PDCD2L: variants seen among roughly 807,000 people sequenced by gnomAD.
PDCD2L encodes uS5 assembly chaperone PDCD2L.
In PDCD2L, 44 loss-of-function variants were observed where a neutral mutation model predicts 40.4. That is an observed-to-expected ratio of 1.09 (90% CI 0.86 to 1.40). PDCD2L has a LOEUF of 1.40. PDCD2L is among the 40% of genes most tolerant of loss of function. The pLI, the probability that PDCD2L is intolerant of heterozygous loss-of-function variation, is 0.00. For missense variants in PDCD2L, 470 were observed against 453.7 expected (o/e 1.04, Z -0.33); for synonymous variants, 194 against 174.6 (o/e 1.11, Z -0.88).
intron 6 of PDCD2L, among the ~76,000 whole-genome samples, chr19:34,422,609 A>G (rs1277975372): frequency 6.6e-6 from 1 of 152,220 alleles, no homozygotes; most frequent in Admixed American, 6.5e-5. Context: ...TTTTCCTAAA[A>G]TAGGAAAATT....
chr19:34,423,954 G>A (rs981007668), intron 6 of PDCD2L, among the ~76,000 whole-genome samples: 1 of 152,112 alleles, frequency 6.6e-6, no homozygotes, highest in Non-Finnish European at 1.5e-5. Flanking sequence ...GGGCTCAGAG[G>A]TATCTTGCTT....
chr19:34,412,864 G>A (rs1164051536), intron 4 of PDCD2L, among the ~76,000 whole-genome samples: 1 of 151,606 alleles, frequency 6.6e-6, no homozygotes, highest in Non-Finnish European at 1.5e-5. Flanking sequence ...CTTGCCTCTG[G>A]AATAGCCGGG....
intron 6 of PDCD2L, among the ~76,000 whole-genome samples, chr19:34,425,225 GTTTAT>G (rs1404898622): frequency 1.4e-5 from 2 of 146,372 alleles, no homozygotes; most frequent in East Asian, 2.0e-4. Context: ...AACTCTTAGG[GTTTAT>G]TTTATATTTT....
At chr19:34,409,065 T>TC (rs779677143) in intron 3 of PDCD2L, 96 bp from the exon 4 acceptor site, 47 of 1,078,030 alleles carry the variant, frequency 4.4e-5, no homozygotes, top group Non-Finnish European at 5.9e-5. Context: ...GTGTGAAGGC[T>TC]CCCTCTGGAA....
In PDCD2L at chr19:34,413,906, G is replaced by A; in HGVS notation, c.797+59G>A. 13 of 1,118,010 alleles carry A rather than the reference G, an allele frequency of 1.2e-5. No homozygotes were observed. The South Asian group carries it at 1.6e-4, about 14-fold the overall frequency. The allele number at this position is 1,118,010 out of a possible 1,614,324, so 69.3% of individuals were successfully genotyped here. ...CTTGATTATAAAGGAATACATATTA[G>A]TTTGGAAAACACAGGAAAATATGAG... On this transcript the variant is annotated intron_variant, in intron 5 of 6. Coordinates refer to ENST00000246535, the MANE Select transcript of PDCD2L (RefSeq NM_032346.2).
At chr19:34,408,682 G>A (rs540097129) in intron 3 of PDCD2L, among the ~76,000 whole-genome samples, 320 of 152,298 alleles carry the variant, frequency 2.1e-3, no homozygotes, top group Non-Finnish European at 3.9e-3. Context: ...CTTTGCCACC[G>A]AACCGTTGGC....
intron 6 of PDCD2L, 110 bp downstream of exon 6, chr19:34,421,777 T>G: frequency 7.2e-7 from 1 of 1,381,766 alleles, no homozygotes; most frequent in Non-Finnish European, 9.7e-7. Context: ...ACAGAAAATT[T>G]GGGAATTAAA....
chr19:34,406,889 A>G (rs1403748603), intron 3 of PDCD2L, among the ~76,000 whole-genome samples: 4 of 137,060 alleles, frequency 2.9e-5, no homozygotes, highest in East Asian at 2.2e-4. Flanking sequence ...CTGGAGTGCA[A>G]TGGCACAATC....
At chr19:34,412,000 T>A (rs1282523599) in intron 4 of PDCD2L, among the ~76,000 whole-genome samples, 1 of 144,832 alleles carries the variant, frequency 6.9e-6, no homozygotes, top group East Asian at 2.0e-4. Flanking sequence ...AATAATAAAA[T>A]ATATATATTA....
At chr19:34,420,317 G>GT (rs1568361076) in intron 5 of PDCD2L, among the ~76,000 whole-genome samples, 32 of 145,308 alleles carry the variant, frequency 2.2e-4, no homozygotes, top group African/African-American at 5.2e-4. Context: ...TTTTTTTTTT[G>GT]GTTTTTTTTT....
At chr19:34,421,731 AC>A in intron 6 of PDCD2L, 64 bp downstream of exon 6, 1 of 1,499,376 alleles carries the variant, frequency 6.7e-7, no homozygotes, top group Non-Finnish European at 9.0e-7. Context: ...TAAATGAAAA[AC>A]CTTTTGTTTA....
intron 6 of PDCD2L, 76 bp downstream of exon 6, chr19:34,421,743 C>T (rs2075152404): frequency 2.0e-6 from 3 of 1,471,768 alleles, no homozygotes; most frequent in Middle Eastern, 1.8e-4. Flanking sequence ...CTTTTGTTTA[C>T]TTATAAAATA....
At chr19:34,406,551 T>G (rs374395471) in intron 3 of PDCD2L, among the ~76,000 whole-genome samples, 6 of 151,676 alleles carry the variant, frequency 4.0e-5, no homozygotes, top group African/African-American at 9.7e-5. Flanking sequence ...GCCAGCTAAT[T>G]TTTTCATTTT....
At chr19:34,413,906 G>C in intron 5 of PDCD2L, 59 bp downstream of exon 5, 1 of 1,118,010 alleles carries the variant, frequency 8.9e-7, no homozygotes, top group Non-Finnish European at 1.3e-6. Flanking sequence ...ATACATATTA[G>C]TTTGGAAAAC....
chr19:34,409,587 A>G, intron 4 of PDCD2L, 77 bp downstream of exon 4: 1 of 1,343,778 alleles, frequency 7.4e-7, no homozygotes, highest in Admixed American at 1.9e-5. Flanking sequence ...CAGTTTCACC[A>G]CAGGACCTGG....
chr19:34,404,412 A>G lies in PDCD2L; in HGVS notation c.-19A>G, dbSNP rs1341553911. ...AGAGGCCGCCGTAGTTTGCGTTTTCACCTGGTCGCCCGGCGGCCATGGCGG... is the reference window on the plus strand; with the variant it reads ...AGAGGCCGCCGTAGTTTGCGTTTTCGCCTGGTCGCCCGGCGGCCATGGCGG... On this transcript the variant is annotated 5_prime_UTR_variant, in exon 1 of 7. Transcript: ENST00000246535. The G allele has an allele frequency of 3.3e-6, 5 of 1,538,198 alleles. No individual in the cohort carries two copies. Among genetic ancestry groups the G allele is most frequent in the Non-Finnish European group, 4.4e-6 (5 of 1,142,716 alleles).
chr19:34,409,143 CA>C lies in PDCD2L; in HGVS notation c.337-17del, dbSNP rs1389385841. The stretch of plus-strand genomic sequence containing the variant: ...CTCCCAAATGTGCTCGGACCTCATT[CA>C]CTGAGTATTTTTCCAGAAACAGGGA... On this transcript the variant is annotated splice_polypyrimidine_tract_variant and intron_variant, in intron 3 of 6. Coordinates refer to ENST00000246535, the MANE Select transcript of PDCD2L (RefSeq NM_032346.2). 6 of 1,601,710 alleles carry C rather than the reference CA, an allele frequency of 3.7e-6. No homozygotes were observed. The highest frequency in any genetic ancestry group is 5.1e-6 in the Non-Finnish European group (6 of 1,170,524).
At chr19:34,413,438 C>T (rs770863036) in intron 4 of PDCD2L, among the ~76,000 whole-genome samples, 4 of 148,194 alleles carry the variant, frequency 2.7e-5, no homozygotes, top group Non-Finnish European at 4.4e-5. Flanking sequence ...CGGGTTCAAG[C>T]GATTTCCTCT....
In PDCD2L at chr19:34,426,088, CAAG is replaced by C; in HGVS notation, c.1050_1052del (p.Glu350del). 6.3e-7 allele frequency: 1 copy of C among 1,589,748 alleles called. No homozygotes were observed. Among genetic ancestry groups the C allele is most frequent in the South Asian group, 1.1e-5 (1 of 90,428 alleles). On this transcript the variant is annotated inframe_deletion, in exon 7 of 7. Coordinates refer to ENST00000246535, the MANE Select transcript of PDCD2L (RefSeq NM_032346.2). The stretch of plus-strand genomic sequence containing the variant: ...TCCCATGGAAGAATTTTGTATTATA[CAAG>C]AAGACCCAGATGAATTATTGTTTAA...
Sources: gnomAD v4.1 joint callset for allele counts (sites outside exome capture counted in the v4.1 genomes callset) on GRCh38, gnomAD v4.1.1 for gene constraint, MANE v1.5 for transcripts, NCBI Gene and HGNC (gene_info 2026-07-23, HGNC 2026-07-21) for gene names.